CREBBP: variants seen among roughly 807,000 people sequenced by gnomAD.
The protein encoded by CREBBP is CREB-binding protein.
CREBBP carries 19 observed loss-of-function variants against 265.0 expected under a neutral mutation model. The observed-to-expected ratio is 0.07, with a 90% CI of 0.05 to 0.11. The LOEUF (loss-of-function observed/expected upper bound fraction) is 0.11, where lower values mean the gene tolerates loss of function less well. Ranked by LOEUF, CREBBP falls within the 10% of genes least tolerant of loss-of-function variation. CREBBP has a pLI of 1.00. For synonymous variants in CREBBP, 1,457 were observed against 1,223.7 expected (o/e 1.19, Z -3.98); for missense variants, 2,525 against 3,219.0 (o/e 0.78, Z 5.22).
intron 2 of CREBBP, among the ~76,000 whole-genome samples, chr16:3,817,690 T>C (rs1420103695): frequency 6.6e-6 from 1 of 152,212 alleles, no homozygotes; most frequent in East Asian, 1.9e-4. Flanking sequence ...AGAACAGGTT[T>C]CTACAATAGT....
chr16:3,802,114 A>ATTTTTTTTTTTT lies in CREBBP; in HGVS notation c.975+8477_975+8488dup, dbSNP rs71133657. Reference sequence around the variant, plus strand: ...TTTATATTTACTCTGGTATTCCTTAATTTTTTTTTTTTTTTTTTTTTTTTT... The same window carrying ATTTTTTTTTTTT: ...TTTATATTTACTCTGGTATTCCTTAATTTTTTTTTTTTTTTTTTTTTTTTTTTTTTTTTTTTT... On this transcript the variant is annotated intron_variant, in intron 3 of 30. Coordinates refer to ENST00000262367, the MANE Select transcript of CREBBP (RefSeq NM_004380.3). 4.0e-4 allele frequency among the ~76,000 whole-genome samples: 20 copies of ATTTTTTTTTTTT among 50,576 alleles called. 1 individual carries two copies. The highest frequency in any genetic ancestry group is 1.2e-3 in the South Asian group (1 of 868). 33.2% of individuals were successfully genotyped at this position (50,576 alleles called of 152,430 possible).
In CREBBP at chr16:3,774,622, C is replaced by G; in HGVS notation, c.2230G>C (p.Ala744Pro). 1 of 1,614,182 alleles carries G rather than the reference C, an allele frequency of 6.2e-7. No individual in the cohort carries two copies. Among genetic ancestry groups the G allele is most frequent in the Non-Finnish European group, 8.5e-7 (1 of 1,180,034 alleles). ...LPQAPMGPRA[A>P]SPMNHSVQMN... is the part of the protein sequence containing the mutation. ...TGGACAGAGTGGTTCATTGGGGAGG[C>G]TGCACGAGGTCCCATGGGTGCTTGT... Residue 744 changes from alanine (A) to proline (P), a missense_variant, in exon 12 of 31, where the codon GCC (alanine) becomes CCC (proline). By Grantham distance (27) the Ala-to-Pro change is conservative. This residue lies in a region of CREBBP where 548 missense variants were observed against 533.0 expected (regional missense o/e 1.03). Coordinates refer to ENST00000262367, the MANE Select transcript of CREBBP (RefSeq NM_004380.3).
At chr16:3,751,604 C>T in intron 20 of CREBBP, 122 bp downstream of exon 20, 1 of 1,032,298 alleles carries the variant, frequency 9.7e-7, no homozygotes, top group East Asian at 2.5e-5. Flanking sequence ...AACAAAAAAC[C>T]AAAAAACATT....
At chr16:3,760,869 C>T (rs541573628) in intron 16 of CREBBP, among the ~76,000 whole-genome samples, 158 of 150,494 alleles carry the variant, frequency 1.0e-3, no homozygotes, top group African/African-American at 3.7e-3. Context: ...AACTCTCGGC[C>T]TCAAGTGATT....
Position 3,729,386 on chromosome 16 carries a change from T to G in CREBBP, c.5661A>C (p.Ser1887=). The change falls in exon 31 of 31, where the codon TCA becomes TCC. Residue 1887 remains serine, a synonymous_variant. Coordinates refer to ENST00000262367, the MANE Select transcript of CREBBP (RefSeq NM_004380.3). ...GCTGTGTGGGGGTCCCGGGCGGTGC[T>G]GAGGTAGGAGAAGGCAGACTCTGCT... ...VPQQSLPSPT[S]APPGTPTQQP... is the part of the protein sequence containing the mutation. 1 of 1,610,850 alleles carries G rather than the reference T, an allele frequency of 6.2e-7. No individual in the cohort carries two copies.
intron 8 of CREBBP, 106 bp from the exon 9 acceptor site, chr16:3,778,923 T>C: frequency 2.2e-6 from 2 of 907,208 alleles, no homozygotes; most frequent in African/African-American, 1.7e-5. Flanking sequence ...TCCCAGCACT[T>C]TGGGAGGCTG....
In CREBBP at chr16:3,856,424, G is replaced by A. The variant is rs145471490; in HGVS notation, c.86-5415C>T. On this transcript the variant is annotated intron_variant, in intron 1 of 30. Coordinates refer to ENST00000262367, the MANE Select transcript of CREBBP (RefSeq NM_004380.3). ...CCGCCCTGCACCAAAACACCCACCT[G>A]ATTTTTGTACTGTTTTGGAGAGACA... Among the ~76,000 whole-genome samples the A allele has an allele frequency of 3.9e-3, 587 of 152,252 alleles. 8 individuals are homozygous for A. Among genetic ancestry groups the A allele is most frequent in the East Asian group, 0.013 (67 of 5,186 alleles).
intron 19 of CREBBP, among the ~76,000 whole-genome samples, chr16:3,754,290 C>A (rs2151377580): frequency 6.6e-6 from 1 of 152,350 alleles, no homozygotes; most frequent in African/African-American, 2.4e-5. Flanking sequence ...TCACCCCCAA[C>A]TAGTAAAATC....
rs1487619883 is a variant in CREBBP, at chr16:3,850,601, C to G, written c.494G>C (p.Ser165Thr). The G allele has an allele frequency of 6.2e-7, 1 of 1,614,140 alleles. No homozygotes were observed. Among genetic ancestry groups the G allele is most frequent in the African/African-American group, 1.3e-5 (1 of 74,950 alleles). ...AQKQVGLATSSPATSQTGPGI... is the reference protein window; with the variant it reads ...AQKQVGLATSTPATSQTGPGI... ...AGGTCCAGTCTGTGACGTGGCAGGG[C>G]TGCTAGTCGCCAGCCCCACTTGCTT... The change falls in exon 2 of 31, where the codon AGC becomes ACC. Residue 165 changes from serine (S) to threonine (T), a missense_variant. Transcript: ENST00000262367.
chr16:3,788,565 G>A (rs992733384), intron 5 of CREBBP, among the ~76,000 whole-genome samples: 2 of 152,202 alleles, frequency 1.3e-5, no homozygotes, highest in African/African-American at 4.8e-5. Flanking sequence ...ATCTTGGCAA[G>A]TCCTAATTAT....
chr16:3,773,608 A>T, intron 13 of CREBBP, 143 bp downstream of exon 13: 1 of 880,840 alleles, frequency 1.1e-6, no homozygotes, highest in Non-Finnish European at 1.7e-6. Flanking sequence ...AAAGGTGGAG[A>T]AAACAAAGAG....
chr16:3,813,100 C>A (rs2053968986), intron 2 of CREBBP: 1 of 230,360 alleles, frequency 4.3e-6, no homozygotes, highest in African/African-American at 2.2e-5. Flanking sequence ...CTCAACACAA[C>A]TGGCCCTTTC....
intron 1 of CREBBP, among the ~76,000 whole-genome samples, chr16:3,859,140 T>C (rs554141091): frequency 6.6e-6 from 1 of 152,312 alleles, no homozygotes; most frequent in East Asian, 1.9e-4. Context: ...TTCCACCCTG[T>C]CTCCTGGCAT....
rs1014434739 is a variant in CREBBP at position 3,870,041 on chromosome 16, A to AT, written c.85+9790dup. Reference sequence around the variant, plus strand: ...TATCAATATGTTATGTCTTTTTGTTATTTTCAATAAAGGTGACGTTCTGAA... The same window carrying AT: ...TATCAATATGTTATGTCTTTTTGTTATTTTTCAATAAAGGTGACGTTCTGAA... On this transcript the variant is annotated intron_variant, in intron 1 of 30. Coordinates refer to ENST00000262367, the MANE Select transcript of CREBBP (RefSeq NM_004380.3). Among the ~76,000 whole-genome samples the AT allele has an allele frequency of 1.4e-4, 21 of 152,142 alleles. 1 individual carries two copies. Among genetic ancestry groups the AT allele is most frequent in the Non-Finnish European group, 5.9e-5 (4 of 68,014 alleles).
chr16:3,753,155 G>A (rs554390601), intron 19 of CREBBP, among the ~76,000 whole-genome samples: 2 of 152,350 alleles, frequency 1.3e-5, no homozygotes, highest in East Asian at 1.9e-4. Flanking sequence ...ACCACCAAGT[G>A]CAGAATGGGA....
At chr16:3,744,377 C>A (rs1471956393) in intron 23 of CREBBP, among the ~76,000 whole-genome samples, 1 of 152,188 alleles carries the variant, frequency 6.6e-6, no homozygotes, top group Non-Finnish European at 1.5e-5. Context: ...GGTCTTAGGT[C>A]TAAACCACTT....
chr16:3,757,145 A>T (rs2052604995), intron 19 of CREBBP, 143 bp downstream of exon 19: 1 of 719,876 alleles, frequency 1.4e-6, no homozygotes, highest in African/African-American at 1.7e-5. Flanking sequence ...AAGTGCTGGG[A>T]TTACAGGCGT....
At chr16:3,872,233 A>T (rs539761931) in intron 1 of CREBBP, among the ~76,000 whole-genome samples, 11 of 152,162 alleles carry the variant, frequency 7.2e-5, no homozygotes, top group East Asian at 3.9e-4. Flanking sequence ...GGAACTTAAT[A>T]AAAAAAACTT....
At chr16:3,824,662 C>T (rs997440910) in intron 2 of CREBBP, among the ~76,000 whole-genome samples, 1 of 152,148 alleles carries the variant, frequency 6.6e-6, no homozygotes, top group Non-Finnish European at 1.5e-5. Context: ...ACGCCTTTGC[C>T]TCACCGAGCC....
Sources: gnomAD v4.1 joint callset for allele counts (sites outside exome capture counted in the v4.1 genomes callset) on GRCh38, gnomAD v4.1.1 for gene constraint, gnomAD v4.1.1 regional missense constraint, MANE v1.5 for transcripts, NCBI Gene and HGNC (gene_info 2026-07-23, HGNC 2026-07-21) for gene names.